The following PC variants were observed in gnomAD, a reference collection of about 807,000 sequenced individuals.
PC encodes pyruvate carboxylase.
A neutral mutation model predicts 107.8 loss-of-function variants in PC; 46 were observed. The observed-to-expected ratio is 0.43, with a 90% confidence interval of 0.34 to 0.55. The LOEUF (loss-of-function observed/expected upper bound fraction) is 0.55. Ranked by LOEUF, PC falls within the 20% of genes least tolerant of loss-of-function variation. The pLI, the probability that PC is intolerant of heterozygous loss-of-function variation, is 0.04. For synonymous variants in PC, 662 were observed against 684.7 expected, an observed-to-expected ratio of 0.97 and a Z score of 0.52; for missense variants, 1,241 against 1,643.1, an observed-to-expected ratio of 0.76 and a Z score of 4.23.
chr11:66,941,995 G>A (rs1208774585), intron 3 of PC, among the ~76,000 whole-genome samples: 5 of 151,878 alleles, frequency 3.3e-5, no homozygotes, highest in Admixed American at 2.0e-4. Context: ...CCAACTACTC[G>A]GGAGGCTGAG....
At chr11:66,884,889 A>G (rs1414663225) in intron 3 of PC, among the ~76,000 whole-genome samples, 3 of 152,180 alleles carry the variant, frequency 2.0e-5, no homozygotes, top group Admixed American at 6.5e-5. Flanking sequence ...CAATCTTTGC[A>G]GGGAGGAAGA....
At chr11:66,898,167 G>C (rs1363816803) in intron 3 of PC, among the ~76,000 whole-genome samples, 1 of 152,208 alleles carries the variant, frequency 6.6e-6, no homozygotes, top group Non-Finnish European at 1.5e-5. Flanking sequence ...GTCCTCCCAT[G>C]TTCTGAGATC....
chr11:66,858,287 T>C lies in PC; in HGVS notation c.1369-4904A>G, dbSNP rs762211551. ...CCCTCAACCTGGACCATAACCTTATTGACGCACTGCCCCCAGGCGCCTTCG... is the reference window on the plus strand; with the variant it reads ...CCCTCAACCTGGACCATAACCTTATCGACGCACTGCCCCCAGGCGCCTTCG... On this transcript the variant is annotated intron_variant, in intron 12 of 22. Transcript: ENST00000393960. This position sits in a 1 kb window ranked among gnomAD's most constrained non-coding sequence, Gnocchi z 5.9. 1.9e-6 allele frequency: 3 copies of C among 1,611,668 alleles called. No individual in the cohort carries two copies. The highest frequency in any genetic ancestry group is 2.2e-5 in the South Asian group (2 of 91,088).
intron 3 of PC, among the ~76,000 whole-genome samples, chr11:66,939,804 C>CAAAAA (rs56761659): frequency 1.5e-4 from 6 of 40,110 alleles, no homozygotes; most frequent in African/African-American, 4.4e-4. Context: ...AACTCCGTCT[C>CAAAAA]AAAAAAAAAA....
intron 3 of PC, among the ~76,000 whole-genome samples, chr11:66,914,052 C>T (rs1948408137): frequency 6.6e-6 from 1 of 152,168 alleles, no homozygotes. Context: ...TCGTTTCCTC[C>T]TCTCTGGGGT....
At chr11:66,922,888 C>T (rs1948627451) in intron 3 of PC, among the ~76,000 whole-genome samples, 1 of 152,096 alleles carries the variant, frequency 6.6e-6, no homozygotes, top group South Asian at 2.1e-4. Flanking sequence ...GACAGGGAGG[C>T]AAAGGTATGA....
intron 12 of PC, among the ~76,000 whole-genome samples, chr11:66,854,467 A>G (rs111959188): frequency 0.049 from 7,434 of 152,202 alleles, 641 homozygotes; most frequent in African/African-American, 0.17. Context: ...GTGTCAGTGC[A>G]CTTTGTGCAC....
intron 11 of PC, among the ~76,000 whole-genome samples, chr11:66,865,218 T>C (rs866845213): frequency 1.3e-4 from 19 of 150,208 alleles, no homozygotes; most frequent in Middle Eastern, 3.4e-3. Flanking sequence ...CTCTGGTCCC[T>C]ACCCCCAGCC....
chr11:66,860,523 C>G (rs1365884936), intron 12 of PC: 2 of 702,164 alleles, frequency 2.8e-6, no homozygotes, highest in Non-Finnish European at 5.2e-6. Context: ...GACGGGAGGA[C>G]AGGACACGGG....
intron 12 of PC, among the ~76,000 whole-genome samples, chr11:66,860,865 C>T (rs553205453): frequency 1.2e-4 from 18 of 152,288 alleles, no homozygotes; most frequent in East Asian, 3.9e-4. Flanking sequence ...AGGTGGGGGA[C>T]GGTACAGCCC....
Position 66,852,028 on chromosome 11 carries a change from A to C in PC, c.1826-82T>G. On this transcript the variant is annotated intron_variant, in intron 15 of 22. Transcript: ENST00000393960. The surrounding 1 kb of genome is among the most constrained non-coding windows in gnomAD (Gnocchi z 4.7). Reference sequence around the variant, plus strand: ...GCCTTGGAGCTAGCTCTGCAGCACAAGCCTCTGGCCCCAATACCAGGTCCT... The same window carrying C: ...GCCTTGGAGCTAGCTCTGCAGCACACGCCTCTGGCCCCAATACCAGGTCCT... 2 of 1,433,634 alleles carry C rather than the reference A, an allele frequency of 1.4e-6. No homozygotes were observed. Among genetic ancestry groups the C allele is most frequent in the Admixed American group, 3.7e-5 (2 of 54,194 alleles). 88.8% of individuals were successfully genotyped at this position (1,433,634 alleles called of 1,614,324 possible).
intron 3 of PC, among the ~76,000 whole-genome samples, chr11:66,899,761 C>G (rs1200561015): frequency 6.6e-6 from 1 of 152,210 alleles, no homozygotes; most frequent in Non-Finnish European, 1.5e-5. Flanking sequence ...AAGGTTGATT[C>G]TGATGACGTA....
Position 66,849,108 on chromosome 11 carries a change from C to T in PC, c.3328G>A (p.Gly1110Ser), listed in dbSNP as rs764717082. ...FHPKALKDVKGQIGAPMPGKV... is the reference protein window; with the variant it reads ...FHPKALKDVKSQIGAPMPGKV... Reference sequence around the variant, plus strand: ...CCAGGCATGGGCGCCCCGATCTGGCCCTTCACGTCCTTTAGGGCCTTGGGG... The same window carrying T: ...CCAGGCATGGGCGCCCCGATCTGGCTCTTCACGTCCTTTAGGGCCTTGGGG... Residue 1110 changes from glycine (G) to serine (S), a missense_variant, in exon 23 of 23, where the codon GGC (glycine) becomes AGC (serine). Coordinates refer to ENST00000393960, the MANE Select transcript of PC (RefSeq NM_001040716.2). 5 of 1,614,098 alleles carry T rather than the reference C, an allele frequency of 3.1e-6. No homozygotes were observed. The highest frequency in any genetic ancestry group is 2.2e-5 in the East Asian group (1 of 44,880).
chr11:66,896,268 G>A (rs1375847936), intron 3 of PC, among the ~76,000 whole-genome samples: 5 of 152,088 alleles, frequency 3.3e-5, no homozygotes, highest in African/African-American at 4.8e-5. Context: ...CAGTAGGGAT[G>A]GGGTTTCACC....
chr11:66,922,685 TCTGGCCCAGATCCCCA>T (rs1948623713), intron 3 of PC, among the ~76,000 whole-genome samples: 1 of 151,602 alleles, frequency 6.6e-6, no homozygotes, highest in South Asian at 2.1e-4. Context: ...CATTTCTGTC[TCTGGCCCAGATCCCCA>T]CATGGCTGCC....
At chr11:66,910,166 C>T (rs1796030082) in intron 3 of PC, among the ~76,000 whole-genome samples, 1 of 152,226 alleles carries the variant, frequency 6.6e-6, no homozygotes, top group Admixed American at 6.5e-5. Context: ...GCTGCCCTGG[C>T]GAACGAGTCG....
At chr11:66,895,675 A>C (rs115517885) in intron 3 of PC, among the ~76,000 whole-genome samples, 2,185 of 152,322 alleles carry the variant, frequency 0.014, 48 homozygotes, top group African/African-American at 0.05. Flanking sequence ...CTAGAAACTG[A>C]AGAAAAGAGA....
rs1297817369 is a variant in PC, at chr11:66,852,783, T to C, written c.1567A>G (p.Ser523Gly). Reference protein sequence around the residue: ...TTPIPVKASPSPTDPVVPAVP... With the variant: ...TTPIPVKASPGPTDPVVPAVP... ...GCAGGGACAACGGGGTCCGTGGGGC[T>C]GGGGCTGGCCTTGACGGGAATCGGG... is the stretch of plus-strand genomic sequence containing the variant. Residue 523 changes from serine to glycine, a missense_variant, in exon 14 of 23, where the codon AGC becomes GGC. Ser to Gly is a moderately conservative substitution (Grantham distance 56, BLOSUM62 0). Around this residue, in one of 2 missense-constraint regions of PC, gnomAD observed 1,143 missense variants for 1,551.9 expected, o/e 0.74. Transcript: ENST00000393960. The surrounding 1 kb of genome is among the most constrained non-coding windows in gnomAD (Gnocchi z 4.7). 6.2e-7 allele frequency: 1 copy of C among 1,601,382 alleles called. No individual in the cohort carries two copies. Among genetic ancestry groups the C allele is most frequent in the Non-Finnish European group, 8.5e-7 (1 of 1,171,278 alleles).
chr11:66,941,000 C>A (rs1039565878), intron 3 of PC, among the ~76,000 whole-genome samples: 2 of 149,184 alleles, frequency 1.3e-5, no homozygotes, highest in African/African-American at 4.9e-5. Context: ...AGCTTGAACC[C>A]AGGAGGCAGA....
Sources: allele counts gnomAD v4.1 joint callset (sites outside exome capture counted in the v4.1 genomes callset), GRCh38; gene constraint gnomAD v4.1.1; regional missense constraint gnomAD v4.1.1; non-coding constraint Gnocchi (gnomAD v3.1); transcripts MANE v1.5; gene names NCBI Gene and HGNC (gene_info 2026-07-23, HGNC 2026-07-21).